The following NOL9 variants were observed in gnomAD, a reference collection of about 807,000 sequenced individuals.
NOL9 encodes nucleolar protein 9.
In NOL9, 28 loss-of-function variants were observed where a neutral mutation model predicts 67.9. That is an observed-to-expected ratio of 0.41 (90% CI 0.31 to 0.57). NOL9 has a LOEUF of 0.57. Among genes scored for constraint, NOL9 ranks in the 20% least tolerant of loss-of-function variants. The pLI, the probability that NOL9 is intolerant of heterozygous loss-of-function variation, is 0.25. For missense variants in NOL9, 777 were observed against 897.0 expected (o/e 0.87, Z 1.71); for synonymous variants, 356 against 352.2 (o/e 1.01, Z -0.12).
chr1:6,526,917 A>G (rs546388905), intron 10 of NOL9, 88 bp from the exon 11 acceptor site: 70 of 1,430,798 alleles, frequency 4.9e-5, no homozygotes, highest in Non-Finnish European at 6.2e-5. Flanking sequence ...GGTTTTGAAC[A>G]TAAGTCTTTA....
chr1:6,532,120 C>T (rs747786202), intron 8 of NOL9, 41 bp from the exon 9 acceptor site: 61 of 1,462,882 alleles, frequency 4.2e-5, no homozygotes, highest in Non-Finnish European at 5.4e-5. Context: ...ACATTTAACC[C>T]TCAACGGCCA....
intron 5 of NOL9, among the ~76,000 whole-genome samples, chr1:6,543,624 C>A (rs973465714): frequency 6.6e-6 from 1 of 152,176 alleles, no homozygotes; most frequent in Non-Finnish European, 1.5e-5. Flanking sequence ...TTTTGCCTCC[C>A]AAAGTGCTGC....
rs1431657301 is a variant in NOL9 at position 6,525,195 on chromosome 1, G to C, written c.*659C>G. The C allele has an allele frequency of 6.6e-6, 1 of 151,980 alleles. No individual in the cohort carries two copies. The highest frequency in any genetic ancestry group is 1.5e-5 in the Non-Finnish European group (1 of 68,078). 9.4% of individuals were successfully genotyped at this position (151,980 alleles called of 1,614,324 possible). A position where few individuals can be genotyped will look rare whatever the true frequency, so the allele number is the denominator to read the frequency against. On this transcript the variant is annotated 3_prime_UTR_variant, in exon 12 of 12. Coordinates refer to ENST00000377705, the MANE Select transcript of NOL9 (RefSeq NM_024654.5). ...AGGTCTTACTCTGTCGCTCAGGCTGGAGTAGTTGGTGTACTCCAGCCTGGA... is the reference window on the plus strand; with the variant it reads ...AGGTCTTACTCTGTCGCTCAGGCTGCAGTAGTTGGTGTACTCCAGCCTGGA...
chr1:6,528,559 G>C (rs958356905), intron 10 of NOL9, among the ~76,000 whole-genome samples: 2 of 152,234 alleles, frequency 1.3e-5, no homozygotes, highest in African/African-American at 4.8e-5. Flanking sequence ...AAGGAGGAGA[G>C]GGTGAGGGCA....
At position 6,525,459 on chromosome 1, in the gene NOL9, A is replaced by C; in HGVS notation, c.*395T>G. On this transcript the variant is annotated 3_prime_UTR_variant, in exon 12 of 12. Transcript: ENST00000377705. ...CCCGTGGCGAGCCCTTGTATCCATT[A>C]TGCTTGAGATCCTGCAGGTCGGCCT... The C allele has an allele frequency of 4.6e-6, 1 of 218,090 alleles. No individual in the cohort carries two copies. The highest frequency in any genetic ancestry group is 9.2e-6 in the Non-Finnish European group (1 of 108,892). 13.5% of individuals were successfully genotyped at this position (218,090 alleles called of 1,614,324 possible).
At chr1:6,551,657 A>G (rs2148662977) in intron 1 of NOL9, among the ~76,000 whole-genome samples, 1 of 152,224 alleles carries the variant, frequency 6.6e-6, no homozygotes, top group East Asian at 1.9e-4. Flanking sequence ...GCAGCCATAA[A>G]AAGGGATGAG....
chr1:6,552,161 C>T (rs1639556495), intron 1 of NOL9, among the ~76,000 whole-genome samples: 2 of 152,128 alleles, frequency 1.3e-5, no homozygotes, highest in African/African-American at 2.4e-5. Flanking sequence ...TGGGGAAGGG[C>T]GTCAGGAAGA....
At chr1:6,528,632 A>C (rs186798190) in intron 10 of NOL9, among the ~76,000 whole-genome samples, 4 of 152,346 alleles carry the variant, frequency 2.6e-5, no homozygotes, top group African/African-American at 9.6e-5. Context: ...ATGCACACTG[A>C]CAAGATGGGT....
intron 9 of NOL9, among the ~76,000 whole-genome samples, chr1:6,530,843 C>G (rs1369366795): frequency 1.3e-5 from 2 of 152,266 alleles, no homozygotes; most frequent in East Asian, 1.9e-4. Context: ...GCGCTCAAAA[C>G]CGGACATGCT....
In NOL9 at chr1:6,531,853, T is replaced by G. The variant is rs1337544689; in HGVS notation, c.1647+115A>C. The G allele has an allele frequency of 7.7e-6, 6 of 783,440 alleles. No homozygotes were observed. In the Admixed American group the frequency reaches 1.0e-4, roughly 13 times the overall value. 48.5% of individuals were successfully genotyped at this position (783,440 alleles called of 1,614,324 possible). On this transcript the variant is annotated intron_variant, in intron 9 of 11. Coordinates refer to ENST00000377705, the MANE Select transcript of NOL9 (RefSeq NM_024654.5). ...GACACAAGCTGTGTCACTGGGATGT[T>G]CTGAGGATTAAATGAGCGAGGAGTT...
rs1638791331 is a variant in NOL9 at position 6,522,479 on chromosome 1, G to A, written c.*3375C>T. The A allele has an allele frequency of 6.6e-6, 1 of 151,922 alleles. No individual in the cohort carries two copies. Among genetic ancestry groups the A allele is most frequent in the Admixed American group, 6.6e-5 (1 of 15,234 alleles). 9.4% of individuals were successfully genotyped at this position (151,922 alleles called of 1,614,324 possible). A position where few individuals can be genotyped will look rare whatever the true frequency, so the allele number is the denominator to read the frequency against. On this transcript the variant is annotated 3_prime_UTR_variant, in exon 12 of 12. Coordinates refer to ENST00000377705, the MANE Select transcript of NOL9 (RefSeq NM_024654.5). ...GCAGGAGAATCGCTTGAACCCAGGA[G>A]GCAGAGGTTGCAGTGACCTGAGATC...
At chr1:6,533,558 C>T in intron 6 of NOL9, 117 bp from the exon 7 acceptor site, 1 of 700,818 alleles carries the variant, frequency 1.4e-6, no homozygotes, top group Middle Eastern at 2.6e-4. Flanking sequence ...CTTAGGAAAT[C>T]TGAGACCATC....
chr1:6,526,424 C>CT (rs1392386500), intron 11 of NOL9, among the ~76,000 whole-genome samples: 1 of 152,146 alleles, frequency 6.6e-6, no homozygotes, highest in Non-Finnish European at 1.5e-5. Flanking sequence ...CTGGGAGGGC[C>CT]TCTGCTTGCT....
chr1:6,526,881 T>G lies in NOL9; in HGVS notation c.1826-52A>C, dbSNP rs780800637. The G allele has an allele frequency of 2.0e-6, 3 of 1,517,356 alleles. No individual in the cohort carries two copies. In the South Asian group the frequency reaches 3.9e-5, roughly 20 times the overall value. 94.0% of individuals were successfully genotyped at this position (1,517,356 alleles called of 1,614,324 possible). ...ATCACCCTTTTGGAAAACATCAAACTTCTCCATCGTTAGAAACTGCAGAAT... is the reference window on the plus strand; with the variant it reads ...ATCACCCTTTTGGAAAACATCAAACGTCTCCATCGTTAGAAACTGCAGAAT... On this transcript the variant is annotated intron_variant, in intron 10 of 11. Coordinates refer to ENST00000377705, the MANE Select transcript of NOL9 (RefSeq NM_024654.5).
At position 6,544,936 on chromosome 1, in the gene NOL9, A is replaced by G; in HGVS notation, c.881-14T>C. 6.2e-7 allele frequency: 1 copy of G among 1,614,216 alleles called. No individual in the cohort carries two copies. Among genetic ancestry groups the G allele is most frequent in the East Asian group, 2.2e-5 (1 of 44,882 alleles). On this transcript the variant is annotated splice_polypyrimidine_tract_variant and intron_variant, in intron 4 of 11. Transcript: ENST00000377705. ...CATCTACTTCTTCTGAATGGGAAAC[A>G]AACATTGATCGCTAGAATTAGCCGT... is the stretch of plus-strand genomic sequence containing the variant.
Position 6,528,983 on chromosome 1 carries a change from C to A in NOL9, c.1825+11G>T. ...AGTAGGTTTATGGATATGTTTTACT[C>A]TCAGACTCACCAAAGCCCAAGCAGT... is the stretch of plus-strand genomic sequence containing the variant. On this transcript the variant is annotated intron_variant, in intron 10 of 11. Coordinates refer to ENST00000377705, the MANE Select transcript of NOL9 (RefSeq NM_024654.5). 6.2e-7 allele frequency: 1 copy of A among 1,613,688 alleles called. No homozygotes were observed. The highest frequency in any genetic ancestry group is 1.1e-5 in the South Asian group (1 of 91,052).
intron 5 of NOL9, among the ~76,000 whole-genome samples, chr1:6,544,537 A>ACGCACG (rs1557791457): frequency 2.2e-5 from 3 of 139,080 alleles, no homozygotes; most frequent in Non-Finnish European, 3.0e-5. Flanking sequence ...ACGCACGCAC[A>ACGCACG]CACGCACCCC....
intron 10 of NOL9, among the ~76,000 whole-genome samples, 188 bp from the exon 11 acceptor site, chr1:6,527,017 G>C (rs934967444): frequency 6.6e-6 from 1 of 152,094 alleles, no homozygotes; most frequent in African/African-American, 2.4e-5. Context: ...AGGCCGAGGC[G>C]GGTGGACTAC....
At chr1:6,534,613 G>A (rs938161944) in intron 6 of NOL9, among the ~76,000 whole-genome samples, 13 of 152,188 alleles carry the variant, frequency 8.5e-5, no homozygotes, top group African/African-American at 1.9e-4. Flanking sequence ...GGAGTGGCCT[G>A]TATAGTTCAG....
Sources: gnomAD v4.1 joint callset for allele counts (sites outside exome capture counted in the v4.1 genomes callset) on GRCh38, gnomAD v4.1.1 for gene constraint, MANE v1.5 for transcripts, NCBI Gene and HGNC (gene_info 2026-07-23, HGNC 2026-07-21) for gene names.